The following MED27 variants were observed in gnomAD, a reference collection of about 807,000 sequenced individuals.
The protein encoded by MED27 is mediator complex subunit 27.
In MED27, 30 loss-of-function variants were observed where a neutral mutation model predicts 38.2. That is an observed-to-expected ratio of 0.79 (90% CI 0.59 to 1.07). The LOEUF (loss-of-function observed/expected upper bound fraction) is 1.07, where lower values mean the gene tolerates loss of function less well. MED27 is among the 50% of genes least tolerant of loss of function. The probability of loss-of-function intolerance (pLI) is 0.00; values close to 1 mark genes in which losing one functional copy is unlikely to be tolerated. For synonymous variants in MED27, 122 were observed against 153.5 expected (o/e 0.79, Z 1.52); for missense variants, 289 against 397.5 (o/e 0.73, Z 2.32).
chr9:131,911,667 A>G (rs975537412), intron 4 of MED27, among the ~76,000 whole-genome samples: 4 of 152,246 alleles, frequency 2.6e-5, no homozygotes, highest in African/African-American at 9.6e-5. Flanking sequence ...TACATTTGGC[A>G]ACTAACTTGA....
chr9:132,008,845 C>A (rs1489611961), intron 3 of MED27, among the ~76,000 whole-genome samples: 1 of 152,202 alleles, frequency 6.6e-6, no homozygotes, highest in Non-Finnish European at 1.5e-5. Context: ...GGAACCCAGA[C>A]GCTAGCCCTT....
At chr9:131,915,372 T>C (rs2131543709) in intron 4 of MED27, among the ~76,000 whole-genome samples, 1 of 152,290 alleles carries the variant, frequency 6.6e-6, no homozygotes, top group East Asian at 1.9e-4. Flanking sequence ...TGGACATAGA[T>C]GGATGCGCAG....
At chr9:131,969,568 G>T (rs1387327866) in intron 3 of MED27, among the ~76,000 whole-genome samples, 2 of 152,108 alleles carry the variant, frequency 1.3e-5, no homozygotes, top group African/African-American at 4.8e-5. Flanking sequence ...GGTGGCAAGG[G>T]AGGATAAGCC....
intron 4 of MED27, among the ~76,000 whole-genome samples, chr9:131,934,760 C>G (rs1830650850): frequency 6.6e-6 from 1 of 152,118 alleles, no homozygotes; most frequent in African/African-American, 2.4e-5. Flanking sequence ...TAGCTGCACC[C>G]CCATGTTTGT....
chr9:131,973,459 T>TTTC (rs1554762363), intron 3 of MED27, among the ~76,000 whole-genome samples: 8 of 139,524 alleles, frequency 5.7e-5, no homozygotes, highest in South Asian at 2.3e-4. Context: ...TTTCTTTTCT[T>TTTC]TTTTTTTTTT....
chr9:131,908,579 C>A (rs966766521), intron 4 of MED27, among the ~76,000 whole-genome samples: 9 of 152,192 alleles, frequency 5.9e-5, no homozygotes, highest in Non-Finnish European at 1.3e-4. Flanking sequence ...GACCTTACCC[C>A]CAACCCAGTG....
Position 131,862,973 on chromosome 9 carries a change from G to A in MED27, c.801+90C>T. ...TCCCACTGGGAGGCCCTCAAAGTCT[G>A]AAGATGCAACGGCTGCCCTTCAAGC... On this transcript the variant is annotated intron_variant, in intron 7 of 7. Transcript: ENST00000292035. This position sits in a 1 kb window ranked among gnomAD's most constrained non-coding sequence, Gnocchi z 4.6. 1 of 1,142,590 alleles carries A rather than the reference G, an allele frequency of 8.8e-7. No homozygotes were observed. Among genetic ancestry groups the A allele is most frequent in the Non-Finnish European group, 1.3e-6 (1 of 775,190 alleles). 70.8% of individuals were successfully genotyped at this position (1,142,590 alleles called of 1,614,324 possible).
In MED27 at chr9:131,899,411, C is replaced by A. The variant is rs535172196; in HGVS notation, c.574-5419G>T. 2.0e-5 allele frequency among the ~76,000 whole-genome samples: 3 copies of A among 152,300 alleles called. No homozygotes were observed. In the East Asian group the frequency reaches 5.8e-4, roughly 29 times the overall value. ...AGGGTCAGGCAGCCAGACCTCCTGG[C>A]GGTGGCCATTTGGTGTGCAAATCAA... is the stretch of plus-strand genomic sequence containing the variant. On this transcript the variant is annotated intron_variant, in intron 4 of 7. Transcript: ENST00000292035.
At chr9:131,875,324 GGCAGACAAT>G (rs1345117748) in intron 6 of MED27, among the ~76,000 whole-genome samples, 1 of 152,136 alleles carries the variant, frequency 6.6e-6, no homozygotes, top group African/African-American at 2.4e-5. Flanking sequence ...AAAATGAGAA[GGCAGACAAT>G]GCTTTGGTGG....
At chr9:131,924,252 T>G (rs1195498662) in intron 4 of MED27, among the ~76,000 whole-genome samples, 1 of 152,222 alleles carries the variant, frequency 6.6e-6, no homozygotes, top group Non-Finnish European at 1.5e-5. Context: ...TTGTTATGTT[T>G]TTTTAATTTT....
chr9:131,916,188 T>A (rs1400422463), intron 4 of MED27, among the ~76,000 whole-genome samples: 1 of 152,214 alleles, frequency 6.6e-6, no homozygotes, highest in African/African-American at 2.4e-5. Context: ...AAATCAACTG[T>A]GTAGAATGGG....
intron 6 of MED27, among the ~76,000 whole-genome samples, chr9:131,881,797 CTTCTTTTTTTT>C (rs1470935058): frequency 9.3e-4 from 50 of 53,836 alleles, no homozygotes; most frequent in Non-Finnish European, 1.8e-3. Flanking sequence ...CCTTCTTCTT[CTTCTTTTTTTT>C]TTTTTTTTTT....
At chr9:131,943,999 AGACTCTC>A (rs1564292897) in intron 3 of MED27, among the ~76,000 whole-genome samples, 1 of 152,174 alleles carries the variant, frequency 6.6e-6, no homozygotes. Context: ...AGCTGCGGTA[AGACTCTC>A]AACGGTTTCC....
In MED27 at chr9:131,894,611, T is replaced by C. The variant is rs1384888744; in HGVS notation, c.574-619A>G. 3.4e-5 allele frequency among the ~76,000 whole-genome samples: 5 copies of C among 146,320 alleles called. No individual in the cohort carries two copies. In the South Asian group the frequency reaches 7.0e-4, roughly 20 times the overall value. On this transcript the variant is annotated intron_variant, in intron 4 of 7. Coordinates refer to ENST00000292035, the MANE Select transcript of MED27 (RefSeq NM_004269.4). ...CTTTTACTCTCAGAACCTAAGCACA[T>C]ATTATACATTAAAAAAAAAAATCCT...
At chr9:132,059,188 G>A (rs142171279) in intron 2 of MED27, among the ~76,000 whole-genome samples, 221 of 152,212 alleles carry the variant, frequency 1.5e-3, no homozygotes, top group African/African-American at 5.1e-3. Flanking sequence ...CACAACATAC[G>A]GGACCAGAAT....
chr9:132,042,879 C>T (rs182640451), intron 2 of MED27, among the ~76,000 whole-genome samples: 111 of 152,284 alleles, frequency 7.3e-4, no homozygotes, highest in Non-Finnish European at 1.1e-3. Flanking sequence ...GAGGTGATCA[C>T]GTACCAATTA....
chr9:131,883,216 T>G lies in MED27; in HGVS notation c.723+842A>C, dbSNP rs1051417596. ...TTGTTGAGCTGGATGAGGGAATGAATGAGATGATGGCCAACTCTCTTATTT... is the reference window on the plus strand; with the variant it reads ...TTGTTGAGCTGGATGAGGGAATGAAGGAGATGATGGCCAACTCTCTTATTT... On this transcript the variant is annotated intron_variant, in intron 6 of 7. Coordinates refer to ENST00000292035, the MANE Select transcript of MED27 (RefSeq NM_004269.4). This position sits in a 1 kb window ranked among gnomAD's most constrained non-coding sequence, Gnocchi z 4.2. Among the ~76,000 whole-genome samples the G allele has an allele frequency of 7.2e-5, 11 of 152,278 alleles. No individual in the cohort carries two copies. Among genetic ancestry groups the G allele is most frequent in the African/African-American group, 2.6e-4 (11 of 41,542 alleles).
At chr9:132,002,872 G>A (rs1481044327) in intron 3 of MED27, among the ~76,000 whole-genome samples, 1 of 144,894 alleles carries the variant, frequency 6.9e-6, no homozygotes, top group African/African-American at 2.5e-5. Context: ...CCAAGATCAC[G>A]CCACTGCACC....
rs568088050 is a variant in MED27 at position 131,956,794 on chromosome 9, G to A, written c.480-17320C>T. Among the ~76,000 whole-genome samples the A allele has an allele frequency of 7.3e-5, 11 of 150,398 alleles. No individual in the cohort carries two copies. In the East Asian group the frequency reaches 1.7e-3, roughly 24 times the overall value. On this transcript the variant is annotated intron_variant, in intron 3 of 7. Coordinates refer to ENST00000292035, the MANE Select transcript of MED27 (RefSeq NM_004269.4). ...TCACCTCAATAAATGCAGAAAAAAC[G>A]TTTGACAAAATTCAACACCCAATTG...
Sources: gnomAD v4.1 joint callset for allele counts (sites outside exome capture counted in the v4.1 genomes callset) on GRCh38, gnomAD v4.1.1 for gene constraint, Gnocchi (gnomAD v3.1) non-coding constraint, MANE v1.5 for transcripts, NCBI Gene and HGNC (gene_info 2026-07-23, HGNC 2026-07-21) for gene names.